CFAP54: variants seen among roughly 807,000 people sequenced by gnomAD.
CFAP54 encodes the protein cilia- and flagella-associated protein 54.
CFAP54 carries 290 observed loss-of-function variants against 370.4 expected under a neutral mutation model. The observed-to-expected ratio is 0.78, with a 90% confidence interval of 0.71 to 0.86. The LOEUF is 0.86. CFAP54 is among the 40% of genes least tolerant of loss of function. The probability of loss-of-function intolerance (pLI) is 0.00; values close to 1 mark genes in which losing one functional copy is unlikely to be tolerated. For synonymous variants in CFAP54, 1,206 were observed against 1,236.5 expected (o/e 0.98, Z 0.52); for missense variants, 3,399 against 3,528.7 (o/e 0.96, Z 0.93).
chr12:96,497,479 T>G (rs1214022293), intron 1 of CFAP54, among the ~76,000 whole-genome samples: 1 of 152,126 alleles, frequency 6.6e-6, no homozygotes, highest in Non-Finnish European at 1.5e-5. Flanking sequence ...TAGACTCACA[T>G]AAATATAGCC....
At chr12:96,620,144 G>A (rs1023335952) in intron 26 of CFAP54, among the ~76,000 whole-genome samples, 1 of 152,124 alleles carries the variant, frequency 6.6e-6, no homozygotes, top group Admixed American at 6.5e-5. Flanking sequence ...ATTAGATAGG[G>A]CTTCTCAGGT....
intron 15 of CFAP54, among the ~76,000 whole-genome samples, chr12:96,551,910 TA>T (rs892382956): frequency 2.1e-4 from 32 of 151,934 alleles, no homozygotes; most frequent in African/African-American, 7.7e-4. Context: ...GACAGATGGG[TA>T]AAAAAAGAAA....
intron 48 of CFAP54, among the ~76,000 whole-genome samples, chr12:96,715,400 TA>T (rs1328172917): frequency 6.6e-6 from 1 of 152,070 alleles, no homozygotes; most frequent in Admixed American, 6.6e-5. Flanking sequence ...CAAGGAAATT[TA>T]AGGTGTTTGC....
At position 96,572,438 on chromosome 12, in the gene CFAP54, AT is replaced by A. The variant is rs201911460; in HGVS notation, c.2620-4135del. 5.0e-3 allele frequency among the ~76,000 whole-genome samples: 726 copies of A among 146,330 alleles called. 7 individuals are homozygous for A. The highest frequency in any genetic ancestry group is 0.014 in the African/African-American group (571 of 40,146). On this transcript the variant is annotated intron_variant, in intron 19 of 67. Coordinates refer to ENST00000524981, the MANE Select transcript of CFAP54 (RefSeq NM_001306084.2). Reference sequence around the variant, plus strand: ...ATAACAGCATTTTAGGGAATGAGTGATTTTTTTTTTTTATGGTTTCAGAGGT... The same window carrying A: ...ATAACAGCATTTTAGGGAATGAGTGATTTTTTTTTTTATGGTTTCAGAGGT...
At chr12:96,563,394 T>G (rs1398234311) in intron 17 of CFAP54, among the ~76,000 whole-genome samples, 1 of 152,214 alleles carries the variant, frequency 6.6e-6, no homozygotes, top group Non-Finnish European at 1.5e-5. Flanking sequence ...TACATTAGCA[T>G]TCTTATTCAA....
At chr12:96,673,717 A>G (rs1014317803) in intron 39 of CFAP54, among the ~76,000 whole-genome samples, 2 of 152,246 alleles carry the variant, frequency 1.3e-5, no homozygotes, top group African/African-American at 2.4e-5. Context: ...CAGAGTACTC[A>G]TGATGGTTTC....
chr12:96,736,348 A>C (rs1957980446), intron 50 of CFAP54, among the ~76,000 whole-genome samples: 1 of 152,178 alleles, frequency 6.6e-6, no homozygotes, highest in Admixed American at 6.5e-5. Context: ...AGAGAGCACA[A>C]GACTGTCTCT....
chr12:96,733,595 T>G (rs1018704637), intron 50 of CFAP54, among the ~76,000 whole-genome samples: 3 of 151,634 alleles, frequency 2.0e-5, no homozygotes, highest in African/African-American at 7.3e-5. Context: ...TTACATTTGA[T>G]CTATTGTTTA....
intron 39 of CFAP54, among the ~76,000 whole-genome samples, chr12:96,664,322 C>T (rs1957032176): frequency 6.6e-6 from 1 of 151,926 alleles, no homozygotes; most frequent in Non-Finnish European, 1.5e-5. Flanking sequence ...GTGTTATTCT[C>T]TTCTATGTGT....
intron 20 of CFAP54, among the ~76,000 whole-genome samples, chr12:96,577,085 A>G (rs1220905709): frequency 1.3e-5 from 2 of 152,170 alleles, no homozygotes; most frequent in Non-Finnish European, 2.9e-5. Context: ...CTCAAGATGG[A>G]AGTCTCACTT....
chr12:96,820,905 CT>C (rs1959025307), intron 65 of CFAP54, among the ~76,000 whole-genome samples: 1 of 152,114 alleles, frequency 6.6e-6, no homozygotes, highest in African/African-American at 2.4e-5. Context: ...CTAGAATATT[CT>C]TTGCTGAAAT....
intron 30 of CFAP54, among the ~76,000 whole-genome samples, chr12:96,629,875 T>A (rs757733416): frequency 1.3e-5 from 2 of 152,242 alleles, no homozygotes; most frequent in African/African-American, 2.4e-5. Flanking sequence ...AACATCTTCA[T>A]TGATACTCAC....
At chr12:96,584,655 A>G (rs560592603) in intron 22 of CFAP54, among the ~76,000 whole-genome samples, 1 of 151,368 alleles carries the variant, frequency 6.6e-6, no homozygotes, top group African/African-American at 2.4e-5. Context: ...TTTTTTATCA[A>G]TCTCATTACA....
intron 30 of CFAP54, among the ~76,000 whole-genome samples, chr12:96,629,808 G>T (rs752255601): frequency 6.6e-6 from 1 of 152,044 alleles, no homozygotes; most frequent in Non-Finnish European, 1.5e-5. Flanking sequence ...AACATTAGTG[G>T]ATATTGCTCA....
At chr12:96,824,132 G>A (rs569850196) in intron 65 of CFAP54, among the ~76,000 whole-genome samples, 2 of 152,208 alleles carry the variant, frequency 1.3e-5, no homozygotes, top group East Asian at 1.9e-4. Flanking sequence ...CCAGCCCCTC[G>A]CTAGCTGCAG....
rs1446803461 is a variant in CFAP54 at position 96,625,766 on chromosome 12, C to T, written c.3935C>T (p.Pro1312Leu). The change falls in exon 29 of 68, where the codon CCT (proline) becomes CTT (leucine). Residue 1312 changes from proline to leucine, a missense_variant. Pro to Leu is a moderately conservative substitution (Grantham distance 98). Coordinates refer to ENST00000524981, the MANE Select transcript of CFAP54 (RefSeq NM_001306084.2). ...SGGEDPIFLY[P>L]VVLNWSVKGA... ...GGAGAGGACCCTATATTTCTTTATC[C>T]TGTAGTTTTGAATTGGTCGGTCAAA... The T allele has an allele frequency of 3.3e-6, 5 of 1,535,646 alleles. No individual in the cohort carries two copies. Among genetic ancestry groups the T allele is most frequent in the Non-Finnish European group, 3.5e-6 (4 of 1,146,734 alleles).
At chr12:96,648,387 A>G (rs1468860957) in intron 34 of CFAP54, among the ~76,000 whole-genome samples, 2 of 152,150 alleles carry the variant, frequency 1.3e-5, no homozygotes, top group Non-Finnish European at 2.9e-5. Flanking sequence ...AGCAAAATCC[A>G]TCAAACATAC....
chr12:96,830,312 C>T (rs1187263812), intron 66 of CFAP54, among the ~76,000 whole-genome samples: 2 of 152,124 alleles, frequency 1.3e-5, no homozygotes, highest in Non-Finnish European at 2.9e-5. Flanking sequence ...TTTATACTAC[C>T]ACCAACAATG....
intron 65 of CFAP54, among the ~76,000 whole-genome samples, chr12:96,823,750 G>A (rs1959057826): frequency 6.6e-6 from 1 of 152,142 alleles, no homozygotes. Flanking sequence ...ATGGATAAAT[G>A]GTGAAAGGAT....
Sources: gnomAD v4.1 joint callset for allele counts (sites outside exome capture counted in the v4.1 genomes callset) on GRCh38, gnomAD v4.1.1 for gene constraint, MANE v1.5 for transcripts, NCBI Gene and HGNC (gene_info 2026-07-23, HGNC 2026-07-21) for gene names.